The following COL4A5 variants were observed in gnomAD, a reference collection of about 807,000 sequenced individuals.
The protein encoded by COL4A5 is collagen type IV alpha 5 chain.
COL4A5 carries 26 observed loss-of-function variants against 130.2 expected under a neutral mutation model. The observed-to-expected ratio is 0.20, with a 90% CI of 0.15 to 0.28. COL4A5 has a LOEUF of 0.28. Among genes scored for constraint, COL4A5 ranks in the 10% least tolerant of loss-of-function variants. The probability of loss-of-function intolerance (pLI) is 1.00; values close to 1 mark genes in which losing one functional copy is unlikely to be tolerated. For synonymous variants in COL4A5, 496 were observed against 439.6 expected (o/e 1.13, Z -1.60); for missense variants, 1,131 against 1,344.3 (o/e 0.84, Z 2.48).
intron 1 of COL4A5, among the ~76,000 whole-genome samples, chrX:108,530,797 G>A (rs1385410237): frequency 1.9e-5 from 2 of 105,474 alleles, no homozygotes; most frequent in East Asian, 6.0e-4. Context: ...AGTCAGTGTG[G>A]CGATTCCTCA....
chrX:108,543,899 GCTCT>G (rs1342207843), intron 2 of COL4A5, among the ~76,000 whole-genome samples: 3 of 111,345 alleles, frequency 2.7e-5, no homozygotes, highest in African/African-American at 9.8e-5. Flanking sequence ...TCATGATTTG[GCTCT>G]CTGTTTGTCT....
At position 108,440,119 on chromosome X, in the gene COL4A5, G is replaced by A; in HGVS notation, c.-7G>A. The stretch of plus-strand genomic sequence containing the variant: ...GGTGCTGAAGGAGCTGCGGGAGCCG[G>A]AGAAGAATGAAACTGCGTGGAGTCA... On this transcript the variant is annotated 5_prime_UTR_variant, in exon 1 of 53. Transcript: ENST00000328300. 3 of 1,204,450 alleles carry A rather than the reference G, an allele frequency of 2.5e-6. No homozygotes were observed. The highest frequency in any genetic ancestry group is 3.4e-6 in the Non-Finnish European group (3 of 890,291).
At chrX:108,665,618 T>G (rs751728554) in intron 38 of COL4A5, 31 bp downstream of exon 38, 2 of 1,004,064 alleles carry the variant, frequency 2.0e-6, no homozygotes, top group African/African-American at 3.7e-5. Flanking sequence ...TTTGCTGTTT[T>G]ATAAAACTAA....
intron 36 of COL4A5, chrX:108,627,435 G>C: frequency 4.0e-6 from 3 of 741,576 alleles, no homozygotes; most frequent in Non-Finnish European, 4.8e-6. Flanking sequence ...TGTATATGTA[G>C]AATCATGGTA....
At chrX:108,470,020 C>T (rs1052163192) in intron 1 of COL4A5, among the ~76,000 whole-genome samples, 2 of 112,296 alleles carry the variant, frequency 1.8e-5, no homozygotes, top group African/African-American at 3.2e-5. Context: ...CACATATTCT[C>T]TATCCAATTC....
intron 1 of COL4A5, among the ~76,000 whole-genome samples, chrX:108,528,784 A>G (rs1474506862): frequency 8.9e-6 from 1 of 112,719 alleles, no homozygotes; most frequent in Non-Finnish European, 1.9e-5. Flanking sequence ...AAGAATTTTA[A>G]AAAGAATGAG....
intron 1 of COL4A5, among the ~76,000 whole-genome samples, chrX:108,497,838 C>T (rs940288578): frequency 2.7e-5 from 3 of 111,084 alleles, no homozygotes; most frequent in Non-Finnish European, 5.7e-5. Context: ...ATCTTTCTAG[C>T]TCTCTACATC....
chrX:108,664,139 C>T (rs1276788895), intron 37 of COL4A5, among the ~76,000 whole-genome samples: 3 of 111,158 alleles, frequency 2.7e-5, no homozygotes, highest in Non-Finnish European at 3.8e-5. Context: ...GAGCCGTGAT[C>T]GCGCCACCGC....
chrX:108,630,896 AT>A (rs1283579616), intron 36 of COL4A5, among the ~76,000 whole-genome samples: 2 of 112,223 alleles, frequency 1.8e-5, no homozygotes, highest in African/African-American at 6.5e-5. Context: ...TCCCAGCATC[AT>A]TTATTAAATA....
At chrX:108,634,790 T>C (rs1233144711) in intron 36 of COL4A5, among the ~76,000 whole-genome samples, 1 of 111,517 alleles carries the variant, frequency 9.0e-6, no homozygotes, top group African/African-American at 3.2e-5. Flanking sequence ...TTAAAGGTCA[T>C]AGAATAATTA....
At chrX:108,677,072 G>T (rs906360413) in intron 43 of COL4A5, 27 of 113,603 alleles carry the variant, frequency 2.4e-4, no homozygotes, top group African/African-American at 8.4e-4. Context: ...CAGTCTTACG[G>T]AATCCAAAAC....
chrX:108,571,448 T>C lies in COL4A5; in HGVS notation c.420T>C (p.Pro140=). 1 of 1,203,051 alleles carries C rather than the reference T, an allele frequency of 8.3e-7. No homozygotes were observed. The highest frequency in any genetic ancestry group is 1.1e-6 in the Non-Finnish European group (1 of 887,949). Residue 140 remains proline (P), a synonymous_variant, in exon 7 of 53, where the codon CCT becomes CCC. Coordinates refer to ENST00000328300, the MANE Select transcript of COL4A5 (RefSeq NM_033380.3). ...ERGFPGSPGF[P]GLQGPPGPPG... is the part of the protein sequence containing the mutation. ...GATTTCCAGGCAGTCCCGGTTTTCCTGGTTTACAGGGTCCTCCAGTAAGTT... is the reference window on the plus strand; with the variant it reads ...GATTTCCAGGCAGTCCCGGTTTTCCCGGTTTACAGGGTCCTCCAGTAAGTT...
chrX:108,637,420 CAGAA>C (rs2067375060), intron 36 of COL4A5, among the ~76,000 whole-genome samples: 2 of 110,598 alleles, frequency 1.8e-5, no homozygotes, highest in Admixed American at 1.9e-4. Context: ...CCAAAACTAG[CAGAA>C]AGAAAGAAAT....
intron 33 of COL4A5, among the ~76,000 whole-genome samples, 170 bp downstream of exon 33, chrX:108,622,995 T>A (rs2067086309): frequency 8.9e-6 from 1 of 112,624 alleles, no homozygotes; most frequent in South Asian, 3.7e-4. Flanking sequence ...GTTTCACCAG[T>A]CAACTTTTGT....
rs759823570 is a variant in COL4A5, at chrX:108,530,142, A to G, written c.82-9604A>G. 2.7e-5 allele frequency among the ~76,000 whole-genome samples: 3 copies of G among 111,714 alleles called. No individual in the cohort carries two copies. In the East Asian group the frequency reaches 8.4e-4, roughly 31 times the overall value. ...CATGGACCATTCTCCAGGATAGATC[A>G]TGTGTTAGGTCACAATATAAGTCTC... On this transcript the variant is annotated intron_variant, in intron 1 of 52. Transcript: ENST00000328300.
At chrX:108,583,027 T>C in intron 17 of COL4A5, 90 bp downstream of exon 17, 2 of 726,040 alleles carry the variant, frequency 2.8e-6, no homozygotes, top group Non-Finnish European at 4.4e-6. Flanking sequence ...ATGGAAAAAG[T>C]CTACATAACT....
intron 35 of COL4A5, among the ~76,000 whole-genome samples, chrX:108,626,005 A>T (rs1395771982): frequency 8.9e-6 from 1 of 112,023 alleles, no homozygotes; most frequent in East Asian, 2.8e-4. Context: ...TAATTCACAA[A>T]CATCTTTTCT....
chrX:108,548,770 C>A (rs1337035573), intron 2 of COL4A5, among the ~76,000 whole-genome samples: 2 of 110,844 alleles, frequency 1.8e-5, no homozygotes, highest in Non-Finnish European at 3.8e-5. Context: ...AACAATTATA[C>A]GAATGATGAC....
At chrX:108,670,170 A>G in intron 41 of COL4A5, 58 bp from the exon 42 acceptor site, 2 of 1,162,876 alleles carry the variant, frequency 1.7e-6, no homozygotes, top group Non-Finnish European at 2.3e-6. Flanking sequence ...CAGTTTTGAT[A>G]TTTTTCCTTT....
Sources: gnomAD v4.1 joint callset for allele counts (sites outside exome capture counted in the v4.1 genomes callset) on GRCh38, gnomAD v4.1.1 for gene constraint, MANE v1.5 for transcripts, NCBI Gene and HGNC (gene_info 2026-07-23, HGNC 2026-07-21) for gene names.